XNDC1N: variants seen among roughly 807,000 people sequenced by gnomAD.
The protein encoded by XNDC1N is XRCC1 N-terminal domain containing 1, N-terminal like.
chr11:71,920,323 T>G, the XNDC1N span, among the ~76,000 whole-genome samples: 1 of 150,130 alleles, frequency 6.7e-6, no homozygotes, highest in Admixed American at 6.7e-5. Flanking sequence ...CTTATTTTTT[T>G]TTGAGATGGA....
At chr11:71,888,209 A>T in the XNDC1N span, among the ~76,000 whole-genome samples, 1 of 152,168 alleles carries the variant, frequency 6.6e-6, no homozygotes, top group African/African-American at 2.4e-5. Flanking sequence ...TGCTGACAGA[A>T]GGTATGTTAC....
chr11:71,921,117 G>C, the XNDC1N span, among the ~76,000 whole-genome samples: 2 of 152,074 alleles, frequency 1.3e-5, no homozygotes, highest in Non-Finnish European at 2.9e-5. Flanking sequence ...TCTGCCTCCT[G>C]AGTAGCTGGG....
At chr11:71,920,124 A>G in the XNDC1N span, among the ~76,000 whole-genome samples, 2 of 140,614 alleles carry the variant, frequency 1.4e-5, no homozygotes, top group Non-Finnish European at 3.1e-5. Context: ...CGCCCAGCTA[A>G]TTTTTTTTGT....
chr11:71,893,212 C>T, the XNDC1N span, among the ~76,000 whole-genome samples: 32 of 152,190 alleles, frequency 2.1e-4, no homozygotes, highest in East Asian at 1.4e-3. Context: ...TTATATGTGA[C>T]GTTTTGGTCT....
the XNDC1N span, among the ~76,000 whole-genome samples, chr11:71,883,721 G>C: frequency 6.6e-6 from 1 of 151,802 alleles, no homozygotes; most frequent in Non-Finnish European, 1.5e-5. Flanking sequence ...AAAGGATTTG[G>C]GAAGGATTGG....
chr11:71,893,082 T>C, the XNDC1N span, among the ~76,000 whole-genome samples: 5 of 152,216 alleles, frequency 3.3e-5, no homozygotes, highest in Admixed American at 1.3e-4. Context: ...GTGTATTTCA[T>C]GGCTTCTTAA....
chr11:71,910,714 C>T, the XNDC1N span, among the ~76,000 whole-genome samples: 12 of 152,098 alleles, frequency 7.9e-5, no homozygotes, highest in African/African-American at 1.7e-4. Context: ...GAACACAGCC[C>T]GGGGTCAGAA....
the XNDC1N span, among the ~76,000 whole-genome samples, chr11:71,907,977 A>AACGTCAT: frequency 1.3e-5 from 2 of 152,156 alleles, no homozygotes; most frequent in African/African-American, 4.8e-5. Context: ...TATTGTGAGT[A>AACGTCAT]ACGTCATACT....
the XNDC1N span, among the ~76,000 whole-genome samples, chr11:71,895,263 C>A: frequency 1.3e-5 from 2 of 152,052 alleles, no homozygotes; most frequent in African/African-American, 4.8e-5. Flanking sequence ...CAACACCATA[C>A]AAATATTTAT....
chr11:71,891,818 C>T, the XNDC1N span, among the ~76,000 whole-genome samples: 1 of 151,934 alleles, frequency 6.6e-6, no homozygotes, highest in Non-Finnish European at 1.5e-5. Flanking sequence ...GCTGAACACC[C>T]CCCACGATGA....
chr11:71,888,480 T>C, the XNDC1N span, among the ~76,000 whole-genome samples: 1 of 152,202 alleles, frequency 6.6e-6, no homozygotes, highest in African/African-American at 2.4e-5. Flanking sequence ...GGAAAACCTC[T>C]GGCAGCCCCA....
At chr11:71,890,799 C>T in the XNDC1N span, among the ~76,000 whole-genome samples, 3,007 of 152,102 alleles carry the variant, frequency 0.02, no homozygotes, top group Middle Eastern at 0.055. Context: ...TCCTCTTCCC[C>T]CCTGGATATT....
At chr11:71,923,797 C>T in the XNDC1N span, among the ~76,000 whole-genome samples, 5 of 152,054 alleles carry the variant, frequency 3.3e-5, no homozygotes, top group Non-Finnish European at 7.4e-5. Flanking sequence ...CCTCATGATC[C>T]ACCCGCCTCG....
chr11:71,903,085 T>C, the XNDC1N span: 1 of 554,756 alleles, frequency 1.8e-6, no homozygotes, highest in South Asian at 1.9e-5. Context: ...ACATTACTTG[T>C]GAATTGCTTC....
At chr11:71,910,620 T>C in the XNDC1N span, among the ~76,000 whole-genome samples, 1 of 152,152 alleles carries the variant, frequency 6.6e-6, no homozygotes, top group Non-Finnish European at 1.5e-5. Context: ...CCTGGAGGAC[T>C]GTGGGTAGAA....
the XNDC1N span, among the ~76,000 whole-genome samples, chr11:71,881,220 T>C: frequency 2.0e-5 from 3 of 152,202 alleles, no homozygotes; most frequent in Non-Finnish European, 4.4e-5. Context: ...ATATTTGGAA[T>C]TTTTATATCC....
At chr11:71,881,286 T>G in the XNDC1N span, among the ~76,000 whole-genome samples, 43 of 152,372 alleles carry the variant, frequency 2.8e-4, no homozygotes, top group Non-Finnish European at 6.2e-4. Context: ...TCTCTTTTTA[T>G]GTTTTTTCAC....
the XNDC1N span, among the ~76,000 whole-genome samples, chr11:71,885,146 C>T: frequency 4.6e-5 from 7 of 150,958 alleles, no homozygotes; most frequent in Non-Finnish European, 1.5e-5. Context: ...GGTGTCATAT[C>T]ATCTTCTTCC....
chr11:71,893,757 C>G, the XNDC1N span: 2 of 1,143,256 alleles, frequency 1.7e-6, no homozygotes, highest in African/African-American at 3.1e-5. Flanking sequence ...CTCATGCGGA[C>G]TGCCTGACAC....
Sources: allele counts gnomAD v4.1 joint callset (sites outside exome capture counted in the v4.1 genomes callset), GRCh38; gene constraint gnomAD v4.1.1; transcripts MANE v1.5; gene names NCBI Gene and HGNC (gene_info 2026-07-23, HGNC 2026-07-21).